Variants in KANSL1 observed in about 807,000 individuals in gnomAD.
KANSL1 encodes the protein MLL1/MLL complex subunit KANSL1.
KANSL1 carries 22 observed loss-of-function variants against 103.6 expected under a neutral mutation model. That is an observed-to-expected ratio of 0.21 (90% CI 0.15 to 0.30). KANSL1 has a LOEUF of 0.30. Ranked by LOEUF, KANSL1 falls within the 10% of genes least tolerant of loss-of-function variation. The pLI, the probability that KANSL1 is intolerant of heterozygous loss-of-function variation, is 1.00. For synonymous variants in KANSL1, 600 were observed against 527.6 expected (o/e 1.14, Z -1.88); for missense variants, 1,337 against 1,399.8 (o/e 0.96, Z 0.72).
intron 1 of KANSL1, among the ~76,000 whole-genome samples, chr17:46,214,455 A>G (rs2048277672): frequency 6.6e-6 from 1 of 152,208 alleles, no homozygotes; most frequent in African/African-American, 2.4e-5. Context: ...GGAGTTCGCA[A>G]CCAGCCTGAC....
At chr17:46,090,622 T>TGGTA (rs2146907887) in intron 3 of KANSL1, among the ~76,000 whole-genome samples, 2 of 152,274 alleles carry the variant, frequency 1.3e-5, no homozygotes, top group South Asian at 4.1e-4. Flanking sequence ...AAACAAAAAT[T>TGGTA]TACCAAGTCC....
chr17:46,081,662 G>C (rs1202596977), intron 4 of KANSL1, among the ~76,000 whole-genome samples: 1 of 152,088 alleles, frequency 6.6e-6, no homozygotes, highest in Non-Finnish European at 1.5e-5. Flanking sequence ...ATAAATAAAA[G>C]AACTATAAGG....
chr17:46,060,921 ATCCCCC>A (rs1297172279), intron 6 of KANSL1, among the ~76,000 whole-genome samples: 2 of 152,216 alleles, frequency 1.3e-5, no homozygotes, highest in Non-Finnish European at 2.9e-5. Flanking sequence ...GCCCAGAGCA[ATCCCCC>A]CTATGACAAC....
At chr17:46,164,289 C>T (rs544517560) in intron 2 of KANSL1, among the ~76,000 whole-genome samples, 6 of 152,330 alleles carry the variant, frequency 3.9e-5, no homozygotes, top group Middle Eastern at 3.4e-3. Flanking sequence ...TTCCTGATGC[C>T]TAAGTTCCTT....
chr17:46,105,277 G>A (rs1181764406), intron 2 of KANSL1, among the ~76,000 whole-genome samples: 3 of 152,210 alleles, frequency 2.0e-5, no homozygotes, highest in Non-Finnish European at 2.9e-5. Flanking sequence ...TTAAACTGAG[G>A]TTAGAATGTT....
intron 7 of KANSL1, chr17:46,045,436 T>TAAAAAAAAA: frequency 6.6e-6 from 1 of 151,466 alleles, no homozygotes; most frequent in Non-Finnish European, 1.5e-5. Context: ...AGCCTACATG[T>TAAAAAAAAA]AAAAATATAT....
chr17:46,112,420 C>T (rs1404255755), intron 2 of KANSL1, among the ~76,000 whole-genome samples: 1 of 147,044 alleles, frequency 6.8e-6, no homozygotes, highest in African/African-American at 2.5e-5. Flanking sequence ...AGTGGTGGCT[C>T]ACGCTTGTAA....
intron 1 of KANSL1, among the ~76,000 whole-genome samples, chr17:46,186,284 G>C (rs1360155368): frequency 6.6e-6 from 1 of 151,720 alleles, no homozygotes. Flanking sequence ...TCGGGAGGCT[G>C]AGGCAGGAGA....
In KANSL1 at chr17:46,171,177, C is replaced by T; in HGVS notation, c.967G>A (p.Gly323Arg). The T allele has an allele frequency of 3.1e-6, 5 of 1,614,136 alleles. No individual in the cohort carries two copies. The highest frequency in any genetic ancestry group is 4.2e-6 in the Non-Finnish European group (5 of 1,180,050). The change falls in exon 2 of 15, where the codon GGA (glycine) becomes AGA (arginine). Residue 323 changes from glycine to arginine, a missense_variant. Gly to Arg is a moderately radical substitution (Grantham distance 125). This residue lies in a region of KANSL1 where 557 missense variants were observed against 476.4 expected (regional missense o/e 1.17). Transcript: ENST00000432791. ...VERHIQHQLG[G>R]FLEKTLSKLP... ...TTGCTCAAAGTCTTCTCCAAAAATCCACCCAGCTGATGTTGTATATGCCTC... is the reference window on the plus strand; with the variant it reads ...TTGCTCAAAGTCTTCTCCAAAAATCTACCCAGCTGATGTTGTATATGCCTC...
At chr17:46,052,793 T>TAAA (rs2077757865) in intron 6 of KANSL1, among the ~76,000 whole-genome samples, 2 of 66,970 alleles carry the variant, frequency 3.0e-5, no homozygotes, top group East Asian at 2.0e-3. Context: ...AAATTTAAAA[T>TAAA]TAAAAAAAAA....
At chr17:46,064,698 C>G (rs934078741) in intron 6 of KANSL1, among the ~76,000 whole-genome samples, 1 of 152,032 alleles carries the variant, frequency 6.6e-6, no homozygotes, top group African/African-American at 2.4e-5. Context: ...GGTTTTTCTT[C>G]TACTTTATTC....
In KANSL1 at chr17:46,118,104, G is replaced by A. The variant is rs578204208; in HGVS notation, c.1290-23403C>T. 4.9e-4 allele frequency among the ~76,000 whole-genome samples: 75 copies of A among 152,200 alleles called. 1 individual carries two copies. The highest frequency in any genetic ancestry group is 1.8e-3 in the African/African-American group (73 of 41,506). On this transcript the variant is annotated intron_variant, in intron 2 of 14. Transcript: ENST00000432791. ...GTCCACATCTAGAAATTTAACCTAA[G>A]GTAATAATCTGTGATATGAAGCAAG... is the stretch of plus-strand genomic sequence containing the variant.
chr17:46,210,447 T>C (rs1455262940), intron 1 of KANSL1, among the ~76,000 whole-genome samples: 1 of 149,966 alleles, frequency 6.7e-6, no homozygotes, highest in Non-Finnish European at 1.5e-5. Context: ...CACTCCAGCC[T>C]GGGCAACAGA....
At chr17:46,075,429 T>A (rs1749494297) in intron 4 of KANSL1, among the ~76,000 whole-genome samples, 1 of 152,162 alleles carries the variant, frequency 6.6e-6, no homozygotes, top group African/African-American at 2.4e-5. Flanking sequence ...CTCTGCCTCC[T>A]GGGTTCAAGT....
intron 2 of KANSL1, chr17:46,148,098 A>T (rs772166550): frequency 3.9e-5 from 6 of 152,238 alleles, no homozygotes; most frequent in Non-Finnish European, 7.3e-5. Flanking sequence ...TAATTAGCAC[A>T]CAGTTTTGAC....
chr17:46,031,051 G>C lies in KANSL1; in HGVS notation c.*425C>G, dbSNP rs1598438962. 6.0e-6 allele frequency: 1 copy of C among 167,760 alleles called. No homozygotes were observed. Among genetic ancestry groups the C allele is most frequent in the African/African-American group, 2.4e-5 (1 of 42,082 alleles). The allele number at this position is 167,760 out of a possible 1,614,324, so 10.4% of individuals were successfully genotyped here. Reference sequence around the variant, plus strand: ...GAGCCAAGCCACAGATGGGAGGGGAGGGGGTAAGAGTCCAGAGCACCCTGC... The same window carrying C: ...GAGCCAAGCCACAGATGGGAGGGGACGGGGTAAGAGTCCAGAGCACCCTGC... On this transcript the variant is annotated 3_prime_UTR_variant, in exon 15 of 15. Transcript: ENST00000432791.
upstream of KANSL1, chr17:46,223,933 C>G (rs1335970766): frequency 3.3e-5 from 5 of 150,748 alleles, no homozygotes; most frequent in Admixed American, 2.0e-4. Context: ...AATACAGTCC[C>G]CTTTAGAAAA....
At chr17:46,041,636 G>C (rs1178768675) in intron 7 of KANSL1, 1 of 152,130 alleles carries the variant, frequency 6.6e-6, no homozygotes, top group Admixed American at 6.5e-5. Flanking sequence ...ATTCCAAAAT[G>C]AGTCCAAATT....
chr17:46,175,095 C>A (rs2696667), intron 1 of KANSL1, among the ~76,000 whole-genome samples: 22 of 152,228 alleles, frequency 1.4e-4, no homozygotes, highest in African/African-American at 4.8e-4. Flanking sequence ...TAAGCACCCC[C>A]CTCCCTGCCC....
Sources: gnomAD v4.1 joint callset for allele counts (sites outside exome capture counted in the v4.1 genomes callset) on GRCh38, gnomAD v4.1.1 for gene constraint, gnomAD v4.1.1 regional missense constraint, MANE v1.5 for transcripts, NCBI Gene and HGNC (gene_info 2026-07-23, HGNC 2026-07-21) for gene names.